NRXN1: variants seen among roughly 807,000 people sequenced by gnomAD.
The protein encoded by NRXN1 is neurexin-1.
Under a neutral mutation model 150.9 loss-of-function variants are expected in NRXN1, and 39 were observed. The observed-to-expected ratio is 0.26, with a 90% CI of 0.20 to 0.34. The LOEUF is 0.34. NRXN1 is among the 10% of genes least tolerant of loss of function. NRXN1 has a pLI of 1.00. For missense variants in NRXN1, 1,815 were observed against 1,949.9 expected (o/e 0.93, Z 1.30); for synonymous variants, 924 against 757.0 (o/e 1.22, Z -3.62).
chr2:50,551,118 G>C (rs1408075583), intron 9 of NRXN1, among the ~76,000 whole-genome samples: 3 of 127,172 alleles, frequency 2.4e-5, no homozygotes, highest in Admixed American at 8.0e-5. Flanking sequence ...GGGGGAGGGG[G>C]AGGGGGAGGG....
chr2:50,151,814 T>C (rs2058714112), intron 18 of NRXN1, among the ~76,000 whole-genome samples: 1 of 151,684 alleles, frequency 6.6e-6, no homozygotes, highest in Non-Finnish European at 1.5e-5. Context: ...TAAAAATTAG[T>C]GAGTTTTATG....
chr2:50,680,503 T>G (rs1574076538), intron 5 of NRXN1, among the ~76,000 whole-genome samples: 1 of 152,168 alleles, frequency 6.6e-6, no homozygotes, highest in Non-Finnish European at 1.5e-5. Flanking sequence ...AACATTGTTA[T>G]AATGTTGATA....
chr2:50,830,207 A>C lies in NRXN1; in HGVS notation c.832+91662T>G, dbSNP rs901069139. ...CTACCAATACATACAGATTTGGATT[A>C]TGAAAAATTATCTAGGCAGGTAAAA... is the stretch of plus-strand genomic sequence containing the variant. On this transcript the variant is annotated intron_variant, in intron 5 of 22. Transcript: ENST00000401669. Among the ~76,000 whole-genome samples, 201 of 152,150 alleles carry C rather than the reference A, an allele frequency of 1.3e-3. 3 individuals are homozygous for C. The highest frequency in any genetic ancestry group is 0.013 in the Admixed American group (201 of 15,276).
At chr2:50,768,687 G>A (rs1472277134) in intron 5 of NRXN1, among the ~76,000 whole-genome samples, 3 of 152,030 alleles carry the variant, frequency 2.0e-5, no homozygotes, top group Non-Finnish European at 2.9e-5. Flanking sequence ...GTGGTCAGCA[G>A]TAATCTCAGA....
At chr2:50,790,267 C>A (rs1238457524) in intron 5 of NRXN1, among the ~76,000 whole-genome samples, 3 of 152,112 alleles carry the variant, frequency 2.0e-5, no homozygotes. Flanking sequence ...TCTGGGGAAT[C>A]CAATCTTGAC....
At chr2:50,699,106 C>A (rs909237950) in intron 5 of NRXN1, among the ~76,000 whole-genome samples, 4 of 152,134 alleles carry the variant, frequency 2.6e-5, no homozygotes, top group African/African-American at 7.2e-5. Context: ...ATGTACCATG[C>A]AGGAAACACA....
chr2:50,846,530 C>T (rs1200465216), intron 5 of NRXN1, among the ~76,000 whole-genome samples: 1 of 152,062 alleles, frequency 6.6e-6, no homozygotes, highest in Admixed American at 6.6e-5. Flanking sequence ...TTAAAAGATC[C>T]ATAAACATTT....
rs1573098273 is a variant in NRXN1 at position 50,467,774 on chromosome 2, G to C, written c.3245-2213C>G. 2.6e-5 allele frequency among the ~76,000 whole-genome samples: 4 copies of C among 151,486 alleles called. No individual in the cohort carries two copies. The East Asian group carries it at 7.8e-4, about 29-fold the overall frequency. On this transcript the variant is annotated intron_variant, in intron 16 of 22. Coordinates refer to ENST00000401669, the MANE Select transcript of NRXN1 (RefSeq NM_001330078.2). ...TCCAGGAAACCTGAAGAGAGTAACA[G>C]TTGTTTTTTTCAACTTAGTTATTTG... is the stretch of plus-strand genomic sequence containing the variant.
rs894497948 is a variant in NRXN1, at chr2:50,823,083, A to G, written c.832+98786T>C. On this transcript the variant is annotated intron_variant, in intron 5 of 22. Coordinates refer to ENST00000401669, the MANE Select transcript of NRXN1 (RefSeq NM_001330078.2). Reference sequence around the variant, plus strand: ...GCACCCTGGAGACCTGGGCACCATTACGATTCCAGGAACCTCTTTGAGTTG... The same window carrying G: ...GCACCCTGGAGACCTGGGCACCATTGCGATTCCAGGAACCTCTTTGAGTTG... 5.3e-5 allele frequency among the ~76,000 whole-genome samples: 8 copies of G among 152,224 alleles called. No homozygotes were observed. In the East Asian group the frequency reaches 1.2e-3, roughly 22 times the overall value.
rs143491368 is a variant in NRXN1 at position 50,341,781 on chromosome 2, C to T, written c.3365-104811G>A. Among the ~76,000 whole-genome samples, 224 of 152,210 alleles carry T rather than the reference C, an allele frequency of 1.5e-3. 1 individual carries two copies. The highest frequency in any genetic ancestry group is 5.2e-3 in the African/African-American group (214 of 41,544). ...AAAACAACTGTATAAAGAGCTCTTTCTAGAACATTAATAATGAAGGGCAAT... is the reference window on the plus strand; with the variant it reads ...AAAACAACTGTATAAAGAGCTCTTTTTAGAACATTAATAATGAAGGGCAAT... On this transcript the variant is annotated intron_variant, in intron 17 of 22. Coordinates refer to ENST00000401669, the MANE Select transcript of NRXN1 (RefSeq NM_001330078.2).
At chr2:50,712,594 T>C (rs982470541) in intron 5 of NRXN1, among the ~76,000 whole-genome samples, 2 of 152,196 alleles carry the variant, frequency 1.3e-5, no homozygotes, top group African/African-American at 2.4e-5. Context: ...ACGGCACTAA[T>C]AGATCACACA....
chr2:50,462,604 A>T (rs187129175), intron 17 of NRXN1, among the ~76,000 whole-genome samples: 1 of 151,856 alleles, frequency 6.6e-6, no homozygotes, highest in Non-Finnish European at 1.5e-5. Context: ...ACATACACAC[A>T]TGCACAAAAC....
intron 5 of NRXN1, among the ~76,000 whole-genome samples, chr2:50,772,022 A>G (rs1245177738): frequency 6.6e-6 from 1 of 152,104 alleles, no homozygotes; most frequent in Non-Finnish European, 1.5e-5. Context: ...CCGTCTCCCA[A>G]AATATCTAGT....
chr2:50,584,720 G>C (rs1381620048), intron 8 of NRXN1, among the ~76,000 whole-genome samples: 1 of 152,116 alleles, frequency 6.6e-6, no homozygotes, highest in Non-Finnish European at 1.5e-5. Context: ...AATGTTCAAG[G>C]TCAGTATTGA....
At chr2:49,938,223 T>G (rs1671383604) in intron 22 of NRXN1, among the ~76,000 whole-genome samples, 1 of 152,232 alleles carries the variant, frequency 6.6e-6, no homozygotes, top group Admixed American at 6.5e-5. Context: ...AGCTCTCTCA[T>G]ATTACATGAC....
rs79377280 is a variant in NRXN1, at chr2:50,406,452, G to T, written c.3364+58990C>A. On this transcript the variant is annotated intron_variant, in intron 17 of 22. Coordinates refer to ENST00000401669, the MANE Select transcript of NRXN1 (RefSeq NM_001330078.2). Reference sequence around the variant, plus strand: ...ATTGTCCCTTACCTCTTGGACATTGGTGACACCACCCACACTCCACCCACC... The same window carrying T: ...ATTGTCCCTTACCTCTTGGACATTGTTGACACCACCCACACTCCACCCACC... 5.8e-4 allele frequency among the ~76,000 whole-genome samples: 89 copies of T among 152,192 alleles called. 1 individual carries two copies. In the East Asian group the frequency reaches 0.015, roughly 25 times the overall value.
At chr2:50,896,434 T>C (rs1278168066) in intron 5 of NRXN1, among the ~76,000 whole-genome samples, 1 of 152,124 alleles carries the variant, frequency 6.6e-6, no homozygotes, top group East Asian at 1.9e-4. Context: ...CATTAAACTT[T>C]AAGTAATTCG....
chr2:50,259,356 C>A (rs1247578499), intron 17 of NRXN1, among the ~76,000 whole-genome samples: 1 of 151,768 alleles, frequency 6.6e-6, no homozygotes, highest in African/African-American at 2.4e-5. Context: ...GAAGATGTGC[C>A]ATTCACTCAG....
At chr2:50,182,643 GCT>G in intron 18 of NRXN1, among the ~76,000 whole-genome samples, 1 of 152,092 alleles carries the variant, frequency 6.6e-6, no homozygotes, top group Admixed American at 6.6e-5. Context: ...CTTAAAACCT[GCT>G]CATTCCTTCT....
Sources: gnomAD v4.1 joint callset for allele counts (sites outside exome capture counted in the v4.1 genomes callset) on GRCh38, gnomAD v4.1.1 for gene constraint, MANE v1.5 for transcripts, NCBI Gene and HGNC (gene_info 2026-07-23, HGNC 2026-07-21) for gene names.